MATN2: variants seen among roughly 807,000 people sequenced by gnomAD.
The protein encoded by MATN2 is matrilin-2.
Under a neutral mutation model 103.2 loss-of-function variants are expected in MATN2, and 69 were observed. That is an observed-to-expected ratio of 0.67 (90% CI 0.55 to 0.82). The LOEUF (loss-of-function observed/expected upper bound fraction) is 0.82, where lower values mean the gene tolerates loss of function less well. Among genes scored for constraint, MATN2 ranks in the 40% least tolerant of loss-of-function variants. MATN2 has a pLI of 0.00. For missense variants in MATN2, 1,023 were observed against 1,211.5 expected (o/e 0.84, Z 2.31); for synonymous variants, 429 against 450.2 (o/e 0.95, Z 0.60).
chr8:97,942,875 T>A (rs1305763586), intron 4 of MATN2, among the ~76,000 whole-genome samples: 1 of 152,178 alleles, frequency 6.6e-6, no homozygotes, highest in Non-Finnish European at 1.5e-5. Flanking sequence ...GTTTTGGGGT[T>A]GAGTGGTTGG....
At chr8:97,989,489 TG>T (rs1169474193) in intron 6 of MATN2, among the ~76,000 whole-genome samples, 1 of 143,240 alleles carries the variant, frequency 7.0e-6, no homozygotes, top group Non-Finnish European at 1.5e-5. Flanking sequence ...AAAAACGGAA[TG>T]AAGGTAACTG....
intron 2 of MATN2, among the ~76,000 whole-genome samples, chr8:97,922,114 C>G (rs774366800): frequency 4.7e-4 from 72 of 152,232 alleles, no homozygotes; most frequent in African/African-American, 1.6e-3. Context: ...CTTCCCCACT[C>G]TGTCCCTGGA....
chr8:97,908,193 G>A (rs1433540067), intron 2 of MATN2, among the ~76,000 whole-genome samples: 1 of 152,102 alleles, frequency 6.6e-6, no homozygotes, highest in African/African-American at 2.4e-5. Context: ...GGAGGTGGAG[G>A]TTGCAGTGAG....
intron 2 of MATN2, among the ~76,000 whole-genome samples, chr8:97,924,413 C>T (rs1809918165): frequency 6.6e-6 from 1 of 152,148 alleles, no homozygotes; most frequent in Non-Finnish European, 1.5e-5. Context: ...TAAGTGCCCA[C>T]AAACCATCTG....
intron 2 of MATN2, among the ~76,000 whole-genome samples, chr8:97,910,517 A>G (rs1390001790): frequency 2.0e-5 from 3 of 152,186 alleles, no homozygotes; most frequent in Admixed American, 6.5e-5. Flanking sequence ...GGATTATTTT[A>G]TTTTGTGGCA....
intron 1 of MATN2, among the ~76,000 whole-genome samples, chr8:97,878,903 C>T (rs1471776495): frequency 2.6e-5 from 4 of 152,066 alleles, no homozygotes; most frequent in Non-Finnish European, 5.9e-5. Context: ...CAGTCGCCTA[C>T]ATTCAGGCAA....
At chr8:97,981,228 AC>A (rs1247558172) in intron 6 of MATN2, among the ~76,000 whole-genome samples, 1 of 151,338 alleles carries the variant, frequency 6.6e-6, no homozygotes, top group African/African-American at 2.4e-5. Context: ...GGTTTCAAAG[AC>A]TTTATTTATT....
At chr8:97,871,433 G>A (rs796096500) in intron 1 of MATN2, among the ~76,000 whole-genome samples, 2 of 152,168 alleles carry the variant, frequency 1.3e-5, no homozygotes, top group South Asian at 4.1e-4. Context: ...AGTAGGAGAG[G>A]TGAGTGGTTT....
At chr8:97,900,932 C>T (rs1818960027) in intron 2 of MATN2, among the ~76,000 whole-genome samples, 1 of 152,036 alleles carries the variant, frequency 6.6e-6, no homozygotes, top group South Asian at 2.1e-4. Context: ...GAGACTCTGT[C>T]CCCGCCCCCC....
intron 13 of MATN2, among the ~76,000 whole-genome samples, chr8:98,022,771 C>G (rs1351290082): frequency 6.6e-6 from 1 of 152,192 alleles, no homozygotes; most frequent in Non-Finnish European, 1.5e-5. Context: ...CTGATTCATA[C>G]TACCCGTGTG....
intron 6 of MATN2, among the ~76,000 whole-genome samples, chr8:97,983,562 A>C (rs1812096234): frequency 6.6e-6 from 1 of 152,186 alleles, no homozygotes; most frequent in Admixed American, 6.5e-5. Context: ...GGTAGCAAGG[A>C]GACTGTGGGC....
intron 2 of MATN2, among the ~76,000 whole-genome samples, chr8:97,897,118 T>C (rs1054305587): frequency 4.6e-5 from 7 of 152,210 alleles, no homozygotes; most frequent in Admixed American, 4.6e-4. Context: ...CTGGAAGGCT[T>C]GTTAGAACAC....
intron 6 of MATN2, 78 bp from the exon 7 acceptor site, chr8:97,994,402 A>C (rs1812498783): frequency 1.3e-6 from 2 of 1,494,260 alleles, no homozygotes; most frequent in East Asian, 4.6e-5. Context: ...TGGGAAAATG[A>C]AGACTGGAAA....
At chr8:98,021,159 C>G (rs369565631) in intron 12 of MATN2, 46 bp from the exon 13 acceptor site, 1 of 1,595,796 alleles carries the variant, frequency 6.3e-7, no homozygotes, top group South Asian at 1.1e-5. Flanking sequence ...CAATTCACCT[C>G]ATTTCTACAC....
chr8:97,966,837 C>T (rs1811498221), intron 5 of MATN2, among the ~76,000 whole-genome samples: 1 of 152,204 alleles, frequency 6.6e-6, no homozygotes, highest in African/African-American at 2.4e-5. Context: ...GAAATCCCAA[C>T]TCTGCTACTT....
intron 2 of MATN2, among the ~76,000 whole-genome samples, chr8:97,920,998 A>G (rs1586415973): frequency 6.6e-6 from 1 of 152,246 alleles, no homozygotes; most frequent in Middle Eastern, 3.4e-3. Flanking sequence ...TTATCATGGG[A>G]CCAGCTGTCT....
intron 4 of MATN2, among the ~76,000 whole-genome samples, chr8:97,959,302 T>C (rs1811234950): frequency 6.6e-6 from 1 of 152,234 alleles, no homozygotes; most frequent in African/African-American, 2.4e-5. Context: ...AAACCCCTTG[T>C]CTGTTTTGTT....
intron 2 of MATN2, among the ~76,000 whole-genome samples, chr8:97,928,373 C>T (rs906464070): frequency 7.9e-5 from 12 of 151,988 alleles, no homozygotes; most frequent in African/African-American, 2.9e-4. Flanking sequence ...ACTACAGGTG[C>T]GTGCCACCAT....
intron 7 of MATN2, among the ~76,000 whole-genome samples, chr8:98,000,369 C>T (rs1215866201): frequency 4.0e-5 from 6 of 151,300 alleles, no homozygotes; most frequent in African/African-American, 7.3e-5. Context: ...GAGGCTGAGG[C>T]GGGTGGATCA....
Sources: allele counts gnomAD v4.1 joint callset (sites outside exome capture counted in the v4.1 genomes callset), GRCh38; gene constraint gnomAD v4.1.1; transcripts MANE v1.5; gene names NCBI Gene and HGNC (gene_info 2026-07-23, HGNC 2026-07-21).